WNK1: variants seen among roughly 807,000 people sequenced by gnomAD.
WNK1 encodes the protein WNK lysine deficient protein kinase 1.
A neutral mutation model predicts 222.8 loss-of-function variants in WNK1; 38 were observed. The ratio of observed to expected loss-of-function variants is 0.17; its 90% CI spans 0.13 to 0.22. The LOEUF (loss-of-function observed/expected upper bound fraction) is 0.22, where lower values mean the gene tolerates loss of function less well. Ranked by LOEUF, WNK1 falls within the 10% of genes least tolerant of loss-of-function variation. The pLI is 1.00. For missense variants in WNK1, 2,348 were observed against 2,918.4 expected (o/e 0.80, Z 4.50); for synonymous variants, 1,090 against 1,092.9 (o/e 1.00, Z 0.05).
At chr12:821,478 G>C (rs1264920441) in intron 2 of WNK1, among the ~76,000 whole-genome samples, 4 of 152,298 alleles carry the variant, frequency 2.6e-5, no homozygotes, top group Non-Finnish European at 5.9e-5. Flanking sequence ...TTTCTTGAAG[G>C]AATGTTCCAT....
At chr12:892,511 A>G (rs1954347142) in intron 22 of WNK1, among the ~76,000 whole-genome samples, 1 of 152,206 alleles carries the variant, frequency 6.6e-6, no homozygotes, top group Admixed American at 6.5e-5. Flanking sequence ...AGAAGCAAGT[A>G]GTAATAGATA....
intron 4 of WNK1, among the ~76,000 whole-genome samples, chr12:856,390 G>GT (rs1359146094): frequency 1.3e-5 from 2 of 151,690 alleles, no homozygotes; most frequent in East Asian, 3.9e-4. Flanking sequence ...GGAGGCAGAG[G>GT]TTGTAGTGAG....
At chr12:807,705 A>G (rs1279611828) in intron 1 of WNK1, among the ~76,000 whole-genome samples, 1 of 145,136 alleles carries the variant, frequency 6.9e-6, no homozygotes, top group Non-Finnish European at 1.5e-5. Flanking sequence ...GTAGGGAGCA[A>G]TAATTCTTTT....
Position 861,014 on chromosome 12 carries a change from T to C in WNK1, c.1622T>C (p.Val541Ala), listed in dbSNP as rs1055516706. The C allele has an allele frequency of 6.2e-7, 1 of 1,613,390 alleles. No individual in the cohort carries two copies. The highest frequency in any genetic ancestry group is 8.5e-7 in the Non-Finnish European group (1 of 1,179,802). Residue 541 changes from valine to alanine, a missense_variant and splice_region_variant, in exon 7 of 28, where the codon GTA (valine) becomes GCA (alanine). Transcript: ENST00000315939. The part of the protein sequence containing the change: ...DVPEDVAQEM[V>A]ESGYVCEGDH... ...TTAATTTACCCTTTTATTCTGTAGG[T>C]AGAGTCTGGGTATGTCTGTGAAGGT...
intron 1 of WNK1, among the ~76,000 whole-genome samples, chr12:757,664 GGCTCTATCT>G (rs1396509281): frequency 8.3e-5 from 10 of 120,144 alleles, no homozygotes; most frequent in Admixed American, 3.1e-4. Context: ...ATTACTGTTG[GGCTCTATCT>G]GCAGAGTTTA....
At chr12:853,797 CGAGA>C (rs1950573172) in intron 4 of WNK1, among the ~76,000 whole-genome samples, 1 of 152,038 alleles carries the variant, frequency 6.6e-6, no homozygotes, top group Admixed American at 6.6e-5. Context: ...GTCACCCAGG[CGAGA>C]GTGCAGTGGC....
chr12:753,363 C>G lies in WNK1; in HGVS notation c.-203C>G, dbSNP rs72647363. 6.1e-3 allele frequency: 3,984 copies of G among 657,046 alleles called. 244 individuals are homozygous for G. The Admixed American group carries it at 0.11, about 18-fold the overall frequency. The allele number at this position is 657,046 out of a possible 1,614,324, so 40.7% of individuals were successfully genotyped here. On this transcript the variant is annotated 5_prime_UTR_variant, in exon 1 of 28. Transcript: ENST00000315939. This position sits in a 1 kb window ranked among gnomAD's most constrained non-coding sequence, Gnocchi z 5.2. ...CCCTCCTCGTGAGCCGCAGCAGCCT[C>G]GGTGCCAGCCCCCGCCGCAGCTGGG...
chr12:862,209 A>T lies in WNK1; in HGVS notation c.2078A>T (p.His693Leu), dbSNP rs776434045. The T allele has an allele frequency of 1.9e-6, 3 of 1,614,142 alleles. No individual in the cohort carries two copies. The South Asian group carries it at 3.3e-5, about 18-fold the overall frequency. ...QAHSTGTVPGHIPSTVQAQSQ... is the reference protein window; with the variant it reads ...QAHSTGTVPGLIPSTVQAQSQ... ...CATTCTACAGGCACAGTCCCAGGGC[A>T]TATACCTTCTACTGTCCAAGCACAG... The change falls in exon 8 of 28, where the codon CAT (histidine) becomes CTT (leucine). Residue 693 changes from histidine (H) to leucine (L), a missense_variant. Coordinates refer to ENST00000315939, the MANE Select transcript of WNK1 (RefSeq NM_018979.4).
At chr12:859,508 ATATC>A in intron 6 of WNK1, 44 bp downstream of exon 6, 1 of 1,461,510 alleles carries the variant, frequency 6.8e-7, no homozygotes. Context: ...AGACTTATAT[ATATC>A]AATACTATCA....
chr12:896,324 T>G lies in WNK1; in HGVS notation c.5837T>G (p.Phe1946Cys). The G allele has an allele frequency of 6.2e-7, 1 of 1,614,210 alleles. No individual in the cohort carries two copies. Among genetic ancestry groups the G allele is most frequent in the South Asian group, 1.1e-5 (1 of 91,086 alleles). The change falls in exon 24 of 28, where the codon TTT (phenylalanine) becomes TGT (cysteine). Residue 1946 changes from phenylalanine to cysteine, a missense_variant. Physicochemically the swap from Phe to Cys is radical, Grantham distance 205. Around this residue, in one of 13 missense-constraint regions of WNK1, gnomAD observed 1,144 missense variants for 1,273.6 expected, o/e 0.90. Coordinates refer to ENST00000315939, the MANE Select transcript of WNK1 (RefSeq NM_018979.4). Reference sequence around the variant, plus strand: ...GGGCAGCCTACCAAGGTTGGACGTTTTCAGGTGACAACTACAGCAAACAAA... The same window carrying G: ...GGGCAGCCTACCAAGGTTGGACGTTGTCAGGTGACAACTACAGCAAACAAA... ...DTGQPTKVGR[F>C]QVTTTANKVG... is the part of the protein sequence containing the mutation.
intron 1 of WNK1, among the ~76,000 whole-genome samples, chr12:813,367 G>A (rs534448465): frequency 1.3e-5 from 2 of 152,188 alleles, no homozygotes; most frequent in Non-Finnish European, 2.9e-5. Flanking sequence ...ACATTAAATT[G>A]CATGTCTAGC....
chr12:806,375 G>C (rs1200317074), intron 1 of WNK1, among the ~76,000 whole-genome samples: 1 of 152,188 alleles, frequency 6.6e-6, no homozygotes, highest in Non-Finnish European at 1.5e-5. Flanking sequence ...ATGTAATGGA[G>C]CATTTTCCAA....
Position 848,005 on chromosome 12 carries a change from A to G in WNK1, c.1312-9156A>G, listed in dbSNP as rs144429106. ...GTGTTTTTAGTAGAGACGGGGTTTC[A>G]CCATGTTGGCTAGGATGGTCTTTCT... On this transcript the variant is annotated intron_variant, in intron 4 of 27. Transcript: ENST00000315939. Among the ~76,000 whole-genome samples, 88 of 151,736 alleles carry G rather than the reference A, an allele frequency of 5.8e-4. No homozygotes were observed. In the East Asian group the frequency reaches 6.0e-3, roughly 10 times the overall value.
intron 15 of WNK1, 60 bp downstream of exon 15, chr12:883,119 T>C (rs1953325754): frequency 6.6e-6 from 8 of 1,207,412 alleles, no homozygotes; most frequent in African/African-American, 1.5e-5. Context: ...TAGCCATTGC[T>C]CTAGGCAAAT....
At chr12:821,042 G>GTTTTTT (rs60880879) in intron 2 of WNK1, among the ~76,000 whole-genome samples, 12 of 79,106 alleles carry the variant, frequency 1.5e-4, no homozygotes, top group African/African-American at 3.3e-4. Flanking sequence ...AGTTTCTTGA[G>GTTTTTT]TTTTTTTTTT....
Position 885,368 on chromosome 12 carries a change from G to T in WNK1, c.4564G>T (p.Val1522Leu). ...TTCTACTCCTACTTTAGCTGAAACC[G>T]TGGTAGTTAGCGCACACTCACTAGA... is the stretch of plus-strand genomic sequence containing the variant. ...STSTPTLAET[V>L]VVSAHSLDKT... Residue 1522 changes from valine to leucine, a missense_variant, in exon 19 of 28, where the codon GTG (valine) becomes TTG (leucine). Val to Leu is a conservative substitution (Grantham distance 32, BLOSUM62 1). This residue lies in a region of WNK1 where 1,144 missense variants were observed against 1,273.6 expected (regional missense o/e 0.90). Transcript: ENST00000315939. 1.2e-6 allele frequency: 2 copies of T among 1,613,798 alleles called. No homozygotes were observed. The highest frequency in any genetic ancestry group is 1.7e-6 in the Non-Finnish European group (2 of 1,180,026).
intron 26 of WNK1, 174 bp downstream of exon 26, chr12:900,844 C>A: frequency 1.2e-6 from 1 of 801,736 alleles, no homozygotes; most frequent in South Asian, 1.4e-5. Flanking sequence ...AATCGGTGGG[C>A]TCACTGCTCC....
intron 22 of WNK1, among the ~76,000 whole-genome samples, chr12:892,170 C>T (rs1000960992): frequency 6.6e-6 from 1 of 151,464 alleles, no homozygotes; most frequent in Admixed American, 6.6e-5. Context: ...TGGTGTGCTG[C>T]ACCCATTAAC....
intron 19 of WNK1, 31 bp downstream of exon 19, chr12:886,115 A>T: frequency 6.7e-7 from 1 of 1,495,800 alleles, no homozygotes; most frequent in South Asian, 1.2e-5. Flanking sequence ...TAATTAGATA[A>T]ATATGATCAG....
Sources: allele counts gnomAD v4.1 joint callset (sites outside exome capture counted in the v4.1 genomes callset), GRCh38; gene constraint gnomAD v4.1.1; regional missense constraint gnomAD v4.1.1; non-coding constraint Gnocchi (gnomAD v3.1); transcripts MANE v1.5; gene names NCBI Gene and HGNC (gene_info 2026-07-23, HGNC 2026-07-21).